Variants in HDAC8 observed in about 807,000 individuals in gnomAD.
The protein encoded by HDAC8 is histone deacetylase-like 1.
HDAC8 carries 1 observed loss-of-function variant against 32.2 expected under a neutral mutation model. The observed-to-expected ratio is 0.03, with a 90% CI of 0.01 to 0.15. The LOEUF (loss-of-function observed/expected upper bound fraction) is 0.15. Ranked by LOEUF, HDAC8 falls within the 10% of genes least tolerant of loss-of-function variation. The pLI is 1.00. For synonymous variants in HDAC8, 108 were observed against 113.9 expected (o/e 0.95, Z 0.33); for missense variants, 117 against 300.0 (o/e 0.39, Z 4.51).
At chrX:72,504,284 T>C (rs1361194646) in intron 4 of HDAC8, among the ~76,000 whole-genome samples, 1 of 111,968 alleles carries the variant, frequency 8.9e-6, no homozygotes, top group African/African-American at 3.2e-5. Flanking sequence ...AACATTTCCA[T>C]TACCTCAAAA....
chrX:72,427,756 T>TA lies in HDAC8; in HGVS notation c.1005+34247dup, dbSNP rs1204422787. Among the ~76,000 whole-genome samples the TA allele has an allele frequency of 1.8e-4, 18 of 100,469 alleles. No homozygotes were observed. In the South Asian group the frequency reaches 4.8e-3, roughly 27 times the overall value. The allele number at this position is 100,469 out of a possible 115,157, so 87.2% of individuals were successfully genotyped here. A position where few individuals can be genotyped will look rare whatever the true frequency, so the allele number is the denominator to read the frequency against. ...ACTTAAAGTATAATAATAATAAAAT[T>TA]AAAAAAAAAAGAAAATGACATTACA... On this transcript the variant is annotated intron_variant, in intron 9 of 10. Coordinates refer to ENST00000373573, the MANE Select transcript of HDAC8 (RefSeq NM_018486.3).
At chrX:72,498,843 G>A (rs2049115497) in intron 4 of HDAC8, among the ~76,000 whole-genome samples, 1 of 111,296 alleles carries the variant, frequency 9.0e-6, no homozygotes, top group Non-Finnish European at 1.9e-5. Flanking sequence ...GGCCTTCCAA[G>A]CCTCATGTTG....
At chrX:72,421,969 T>A in intron 9 of HDAC8, among the ~76,000 whole-genome samples, 1 of 112,177 alleles carries the variant, frequency 8.9e-6, no homozygotes, top group Admixed American at 9.4e-5. Context: ...GAACTTTAAA[T>A]ATGTCATCCC....
intron 9 of HDAC8, among the ~76,000 whole-genome samples, chrX:72,367,976 A>G (rs187094183): frequency 1.1e-4 from 12 of 113,360 alleles, no homozygotes; most frequent in African/African-American, 3.8e-4. Context: ...ATGAAATGGC[A>G]TATTTCAGCA....
At chrX:72,474,385 T>C in intron 7 of HDAC8, 5 of 888,872 alleles carry the variant, frequency 5.6e-6, no homozygotes, top group Non-Finnish European at 6.9e-6. Flanking sequence ...TAAATAGTCA[T>C]TAAATGAATA....
chrX:72,453,522 A>AAGAAAGAAAGAAAGAAAGAG (rs782484053), intron 9 of HDAC8, among the ~76,000 whole-genome samples: 1 of 74,117 alleles, frequency 1.3e-5, no homozygotes, highest in African/African-American at 5.5e-5. Context: ...GAAAGAAAGA[A>AAGAAAGAAAGAAAGAAAGAG]AAAGAAAGAA....
intron 3 of HDAC8, 25 bp downstream of exon 3, chrX:72,568,729 C>T (rs782478426): frequency 8.3e-7 from 1 of 1,207,898 alleles, no homozygotes; most frequent in South Asian, 1.8e-5. Flanking sequence ...GTCCATCTCC[C>T]ATCACTGCCT....
chrX:72,497,785 AACTAAAAACTTTGAGCTGAT>A (rs2049073004), intron 4 of HDAC8, among the ~76,000 whole-genome samples: 2 of 111,906 alleles, frequency 1.8e-5, no homozygotes, highest in Non-Finnish European at 3.8e-5. Flanking sequence ...ATCTTTAGGT[AACTAAAAACTTTGAGCTGAT>A]ACTAAATTGA....
At chrX:72,464,163 G>C (rs1319254778) in intron 8 of HDAC8, among the ~76,000 whole-genome samples, 1 of 111,742 alleles carries the variant, frequency 8.9e-6, no homozygotes, top group East Asian at 2.8e-4. Context: ...TTACATACAA[G>C]TAGAGTTGGA....
intron 4 of HDAC8, among the ~76,000 whole-genome samples, chrX:72,497,462 A>G (rs1208134989): frequency 8.9e-6 from 1 of 112,056 alleles, no homozygotes; most frequent in Non-Finnish European, 1.9e-5. Context: ...TAAGAATTCA[A>G]GTTCATATAA....
chrX:72,560,271 C>T (rs879996702), intron 4 of HDAC8, among the ~76,000 whole-genome samples: 1 of 111,064 alleles, frequency 9.0e-6, no homozygotes, highest in Non-Finnish European at 1.9e-5. Context: ...CCCCCAACCC[C>T]GTGCTCTCTG....
At chrX:72,406,115 T>C (rs1555968701) in intron 9 of HDAC8, among the ~76,000 whole-genome samples, 1 of 112,349 alleles carries the variant, frequency 8.9e-6, no homozygotes, top group Non-Finnish European at 1.9e-5. Context: ...AATTAATTTT[T>C]GTCAGAACCC....
chrX:72,524,088 A>T (rs971361281), intron 4 of HDAC8, among the ~76,000 whole-genome samples: 1 of 112,545 alleles, frequency 8.9e-6, no homozygotes, highest in Non-Finnish European at 1.9e-5. Context: ...ACACTGCCAC[A>T]GCAAAGCTGA....
chrX:72,484,681 A>G (rs1174134878), intron 7 of HDAC8, among the ~76,000 whole-genome samples: 2 of 111,919 alleles, frequency 1.8e-5, no homozygotes, highest in Non-Finnish European at 3.8e-5. Context: ...CGAACTTCAC[A>G]TATGTCATGG....
At chrX:72,334,700 A>G (rs1203317853) in intron 10 of HDAC8, among the ~76,000 whole-genome samples, 3 of 112,149 alleles carry the variant, frequency 2.7e-5, no homozygotes, top group South Asian at 3.7e-4. Context: ...AAACAGAACA[A>G]TTTTGGAGGC....
chrX:72,423,894 T>C (rs782334833), intron 9 of HDAC8, among the ~76,000 whole-genome samples: 1 of 112,042 alleles, frequency 8.9e-6, no homozygotes, highest in Admixed American at 9.4e-5. Context: ...TTCCTTTCAC[T>C]GTCATCCTGA....
At chrX:72,518,725 C>T (rs1294451589) in intron 4 of HDAC8, among the ~76,000 whole-genome samples, 2 of 111,677 alleles carry the variant, frequency 1.8e-5, no homozygotes, top group Non-Finnish European at 3.8e-5. Context: ...TGTGCTTTAG[C>T]TATTCATCCC....
intron 2 of HDAC8, among the ~76,000 whole-genome samples, chrX:72,570,039 G>C (rs782681409): frequency 1.8e-5 from 2 of 112,212 alleles, no homozygotes; most frequent in South Asian, 7.5e-4. Context: ...ATGAGTTTAC[G>C]ATGAATGAAT....
At chrX:72,457,478 A>G (rs945733489) in intron 9 of HDAC8, among the ~76,000 whole-genome samples, 14 of 112,907 alleles carry the variant, frequency 1.2e-4, no homozygotes, top group Non-Finnish European at 7.5e-5. Context: ...CAAAAAAGTT[A>G]CTAGAGCTAA....
Sources: gnomAD v4.1 joint callset for allele counts (sites outside exome capture counted in the v4.1 genomes callset) on GRCh38, gnomAD v4.1.1 for gene constraint, MANE v1.5 for transcripts, NCBI Gene and HGNC (gene_info 2026-07-23, HGNC 2026-07-21) for gene names.